RGS20: variants seen among roughly 807,000 people sequenced by gnomAD.
RGS20 encodes gz-selective GTPase-activating protein.
RGS20 carries 30 observed loss-of-function variants against 33.6 expected under a neutral mutation model. The observed-to-expected ratio is 0.89, with a 90% CI of 0.67 to 1.21. RGS20 has a LOEUF of 1.21. Among genes scored for constraint, RGS20 ranks in the 50% most tolerant of loss-of-function variants. RGS20 has a pLI of 0.00. For missense variants in RGS20, 472 were observed against 502.4 expected, an observed-to-expected ratio of 0.94 and a Z score of 0.58; for synonymous variants, 208 against 197.9, an observed-to-expected ratio of 1.05 and a Z score of -0.43.
rs116734245 is a variant in RGS20, at chr8:53,925,756, C to T, written c.511-13820C>T. 4.7e-3 allele frequency among the ~76,000 whole-genome samples: 709 copies of T among 151,582 alleles called. 6 individuals are homozygous for T. Among genetic ancestry groups the T allele is most frequent in the African/African-American group, 0.016 (665 of 41,356 alleles). On this transcript the variant is annotated intron_variant, in intron 2 of 5. Coordinates refer to ENST00000297313, the MANE Select transcript of RGS20 (RefSeq NM_170587.4). ...GTCTCAAAAAAAAAAGAAGTTAAAA[C>T]GAAGTAAGATATTCAAGGTCAGTGT...
intron 2 of RGS20, among the ~76,000 whole-genome samples, chr8:53,883,901 G>A (rs1411394062): frequency 6.6e-6 from 1 of 151,318 alleles, no homozygotes; most frequent in African/African-American, 2.4e-5. Context: ...AGCCGAGATG[G>A]AGCCACTGCA....
chr8:53,957,222 G>A (rs916953528), intron 5 of RGS20, among the ~76,000 whole-genome samples: 8 of 152,186 alleles, frequency 5.3e-5, no homozygotes, highest in Non-Finnish European at 1.2e-4. Context: ...TGCTTCCCAG[G>A]TTCAAGCGAT....
chr8:53,929,110 A>G (rs1813882670), intron 2 of RGS20, among the ~76,000 whole-genome samples: 1 of 152,258 alleles, frequency 6.6e-6, no homozygotes. Flanking sequence ...GGATATAGAG[A>G]GAAAGCAGAT....
intron 2 of RGS20, among the ~76,000 whole-genome samples, chr8:53,889,068 T>G (rs904269456): frequency 1.3e-5 from 2 of 152,196 alleles, no homozygotes; most frequent in African/African-American, 4.8e-5. Flanking sequence ...ATGCCCAGGA[T>G]AAAAATTGTT....
intron 2 of RGS20, among the ~76,000 whole-genome samples, chr8:53,903,862 A>G (rs934054747): frequency 2.0e-5 from 3 of 152,164 alleles, no homozygotes; most frequent in Non-Finnish European, 4.4e-5. Context: ...ATCCAAGGTG[A>G]GAATGGAGGC....
At chr8:53,956,183 C>G (rs899531482) in intron 5 of RGS20, among the ~76,000 whole-genome samples, 2 of 152,066 alleles carry the variant, frequency 1.3e-5, no homozygotes, top group Non-Finnish European at 2.9e-5. Context: ...CAGGACCAGG[C>G]GAGCCCAGGG....
chr8:53,919,011 C>T (rs534213163), intron 2 of RGS20, among the ~76,000 whole-genome samples: 63 of 152,198 alleles, frequency 4.1e-4, no homozygotes, highest in Non-Finnish European at 7.5e-4. Context: ...AAGTGGCCAA[C>T]CCATTTTACA....
At chr8:53,921,765 A>G (rs1279116392) in intron 2 of RGS20, among the ~76,000 whole-genome samples, 1 of 151,894 alleles carries the variant, frequency 6.6e-6, no homozygotes, top group Non-Finnish European at 1.5e-5. Context: ...AAGGTTTGTC[A>G]ATTTTGTTGA....
chr8:53,957,391 A>C (rs1814897669), intron 5 of RGS20, among the ~76,000 whole-genome samples: 2 of 152,208 alleles, frequency 1.3e-5, no homozygotes, highest in Admixed American at 1.3e-4. Context: ...CACCATACCC[A>C]GGCAGGGCTG....
chr8:53,914,514 TTA>T lies in RGS20; in HGVS notation c.511-25061_511-25060del, dbSNP rs1365296695. Among the ~76,000 whole-genome samples the T allele has an allele frequency of 3.9e-5, 6 of 152,216 alleles. 1 individual carries two copies. On this transcript the variant is annotated intron_variant, in intron 2 of 5. Coordinates refer to ENST00000297313, the MANE Select transcript of RGS20 (RefSeq NM_170587.4). ...ATCCATTCTTGTGCACTAGATAATCTTAGTTTCTTTATGTAGTTCACTAATTT... is the reference window on the plus strand; with the variant it reads ...ATCCATTCTTGTGCACTAGATAATCTGTTTCTTTATGTAGTTCACTAATTT...
At chr8:53,856,973 A>G (rs1455429180) in intron 1 of RGS20, among the ~76,000 whole-genome samples, 1 of 152,256 alleles carries the variant, frequency 6.6e-6, no homozygotes, top group Non-Finnish European at 1.5e-5. Context: ...AGAGGAAAGA[A>G]GAAAGGAAAA....
chr8:53,955,195 CTT>C (rs1028775535), intron 5 of RGS20, among the ~76,000 whole-genome samples: 6 of 150,680 alleles, frequency 4.0e-5, no homozygotes, highest in Admixed American at 1.3e-4. Flanking sequence ...TTTCAGATCA[CTT>C]TGACTGTGGA....
At chr8:53,910,556 A>G (rs953065653) in intron 2 of RGS20, among the ~76,000 whole-genome samples, 3 of 152,216 alleles carry the variant, frequency 2.0e-5, no homozygotes, top group African/African-American at 7.2e-5. Context: ...AAAGCGAATA[A>G]ACATGCACTT....
At chr8:53,947,339 G>T (rs1448761732) in intron 4 of RGS20, among the ~76,000 whole-genome samples, 1 of 134,712 alleles carries the variant, frequency 7.4e-6, no homozygotes, top group African/African-American at 2.8e-5. Context: ...CTATATATAA[G>T]ATAGTATATA....
intron 2 of RGS20, among the ~76,000 whole-genome samples, chr8:53,906,325 G>A (rs1366142984): frequency 6.6e-5 from 10 of 151,832 alleles, no homozygotes; most frequent in Admixed American, 6.6e-4. Flanking sequence ...GCAGTGAGCC[G>A]AGACAGCACC....
In RGS20 at chr8:53,956,095, CAAG is replaced by C. The variant is rs1814857101; in HGVS notation, c.978+1786_978+1788del. On this transcript the variant is annotated intron_variant, in intron 5 of 5. Transcript: ENST00000297313. Reference sequence around the variant, plus strand: ...GGTGGGCGAGAATGAGAAAAATACTCAAGGAGGCTACAGATGGACCAAGGATAG... The same window carrying C: ...GGTGGGCGAGAATGAGAAAAATACTCGAGGCTACAGATGGACCAAGGATAG... Among the ~76,000 whole-genome samples the C allele has an allele frequency of 3.9e-5, 6 of 152,166 alleles. No individual in the cohort carries two copies. In the South Asian group the frequency reaches 1.3e-3, roughly 32 times the overall value.
chr8:53,875,818 G>A (rs772903100), intron 1 of RGS20, among the ~76,000 whole-genome samples: 12 of 152,184 alleles, frequency 7.9e-5, no homozygotes, highest in Admixed American at 6.5e-4. Context: ...TGTTCACAAG[G>A]AACATTAAGA....
chr8:53,905,027 G>A (rs569923109), intron 2 of RGS20, among the ~76,000 whole-genome samples: 12 of 152,174 alleles, frequency 7.9e-5, no homozygotes, highest in East Asian at 5.8e-4. Flanking sequence ...ATTTGGCAAC[G>A]GCTATATAAA....
intron 2 of RGS20, among the ~76,000 whole-genome samples, chr8:53,918,521 G>T (rs1432347554): frequency 6.6e-6 from 1 of 151,974 alleles, no homozygotes; most frequent in African/African-American, 2.4e-5. Context: ...CTGAGTAGCT[G>T]GGACTACAGG....
Sources: allele counts gnomAD v4.1 joint callset (sites outside exome capture counted in the v4.1 genomes callset), GRCh38; gene constraint gnomAD v4.1.1; transcripts MANE v1.5; gene names NCBI Gene and HGNC (gene_info 2026-07-23, HGNC 2026-07-21).